RARB: variants seen among roughly 807,000 people sequenced by gnomAD.
RARB encodes HBV-activated protein.
Under a neutral mutation model 51.9 loss-of-function variants are expected in RARB, and 17 were observed. The observed-to-expected ratio is 0.33, with a 90% CI of 0.22 to 0.49. The LOEUF is 0.49. RARB is among the 20% of genes least tolerant of loss of function. The probability of loss-of-function intolerance (pLI) is 0.99; values close to 1 mark genes in which losing one functional copy is unlikely to be tolerated. For synonymous variants in RARB, 215 were observed against 195.4 expected, an observed-to-expected ratio of 1.10 and a Z score of -0.84; for missense variants, 369 against 550.8, an observed-to-expected ratio of 0.67 and a Z score of 3.30.
At chr3:25,369,952 T>C (rs9860987) in intron 5 of RARB, among the ~76,000 whole-genome samples, 58,997 of 151,866 alleles carry the variant, frequency 0.39, 11,945 homozygotes, top group East Asian at 0.75. Context: ...TCACATAGTT[T>C]GGAATAGTGA....
intron 4 of RARB, among the ~76,000 whole-genome samples, chr3:25,149,548 A>G (rs1021002153): frequency 2.0e-5 from 3 of 152,216 alleles, no homozygotes; most frequent in Admixed American, 6.5e-5. Context: ...ATATGGTGCA[A>G]TCAAGTCCCA....
intron 5 of RARB, among the ~76,000 whole-genome samples, chr3:25,361,527 C>T (rs1311607319): frequency 1.3e-5 from 2 of 152,104 alleles, no homozygotes; most frequent in Non-Finnish European, 2.9e-5. Flanking sequence ...TCCCTTGCTG[C>T]CAAGGAGTTG....
At chr3:25,080,997 T>C (rs1698983062) in intron 3 of RARB, among the ~76,000 whole-genome samples, 1 of 152,144 alleles carries the variant, frequency 6.6e-6, no homozygotes, top group Admixed American at 6.5e-5. Context: ...TAATTTCTGA[T>C]CTGATCTCTT....
intron 3 of RARB, 114 bp downstream of exon 3, chr3:25,501,437 GGT>G: frequency 7.8e-7 from 1 of 1,289,078 alleles, no homozygotes; most frequent in South Asian, 1.4e-5. Context: ...GCCAAGGGTA[GGT>G]GTGAATAGAG....
At chr3:25,169,343 A>C (rs1224695398) in intron 4 of RARB, among the ~76,000 whole-genome samples, 1 of 152,220 alleles carries the variant, frequency 6.6e-6, no homozygotes, top group African/African-American at 2.4e-5. Flanking sequence ...TCAGCCCTGG[A>C]GCAGGAGGAA....
chr3:24,895,624 T>TA (rs5847323), intron 2 of RARB, among the ~76,000 whole-genome samples: 51,462 of 151,622 alleles, frequency 0.34, 10,889 homozygotes, highest in Non-Finnish European at 0.46. Flanking sequence ...TCTTTTTTTT[T>TA]TTTCCTTGAG....
intron 5 of RARB, among the ~76,000 whole-genome samples, chr3:25,217,534 A>G (rs1221028946): frequency 6.6e-6 from 1 of 152,090 alleles, no homozygotes; most frequent in African/African-American, 2.4e-5. Flanking sequence ...TGTATGGCCA[A>G]GGGAGGCAAG....
intron 5 of RARB, among the ~76,000 whole-genome samples, chr3:25,235,986 T>G (rs1702293117): frequency 6.6e-6 from 1 of 152,158 alleles, no homozygotes; most frequent in African/African-American, 2.4e-5. Flanking sequence ...CTTTATAAGA[T>G]TTTAAACCTC....
intron 2 of RARB, among the ~76,000 whole-genome samples, chr3:24,916,767 CAAAAAAAAAA>C (rs386396164): frequency 1.8e-5 from 2 of 112,782 alleles, no homozygotes; most frequent in African/African-American, 6.5e-5. Context: ...GTTTGCTGTT[CAAAAAAAAAA>C]AAAAAAAAAC....
At position 25,468,071 on chromosome 3, in the gene RARB, A is replaced by C. The variant is rs578068914; in HGVS notation, c.306+6730A>C. Among the ~76,000 whole-genome samples the C allele has an allele frequency of 3.4e-3, 515 of 152,270 alleles. 1 individual carries two copies. The highest frequency in any genetic ancestry group is 0.012 in the African/African-American group (482 of 41,546). On this transcript the variant is annotated intron_variant, in intron 2 of 7. Transcript: ENST00000330688. ...CCAGCGGTGTGAGTCATAGAGAGAA[A>C]GCATTTTAGGTCAGAAACCAAACAC...
chr3:25,232,975 T>TTTC (rs1377820084), intron 5 of RARB, among the ~76,000 whole-genome samples: 5 of 135,620 alleles, frequency 3.7e-5, no homozygotes, highest in African/African-American at 1.3e-4. Context: ...TTCTTTTTCT[T>TTTC]TTTTTTTTTT....
At chr3:25,504,432 G>A (rs1186000147) in intron 3 of RARB, among the ~76,000 whole-genome samples, 1 of 152,154 alleles carries the variant, frequency 6.6e-6, no homozygotes, top group Non-Finnish European at 1.5e-5. Flanking sequence ...ATTGCTTTGA[G>A]CAGGGCATTG....
intron 5 of RARB, among the ~76,000 whole-genome samples, chr3:25,219,640 C>T (rs1316922699): frequency 2.0e-5 from 3 of 152,134 alleles, no homozygotes; most frequent in Non-Finnish European, 2.9e-5. Flanking sequence ...CTCCCCAAGC[C>T]CAAACCCCGT....
In RARB at chr3:25,006,348, C is replaced by T. The variant is rs189294825; in HGVS notation, c.-379-53777C>T. ...TTGTAGTTTGAGCTATAAAAAATTG[C>T]AATATGATTCATCTTATAGTAGGAG... On this transcript the variant is annotated intron_variant, in intron 2 of 11. Coordinates refer to the RARB transcript ENST00000383772. Among the ~76,000 whole-genome samples, 4 of 152,192 alleles carry T rather than the reference C, an allele frequency of 2.6e-5. No homozygotes were observed. In the East Asian group the frequency reaches 7.7e-4, roughly 29 times the overall value.
chr3:25,460,937 C>G (rs1040938467), intron 1 of RARB, among the ~76,000 whole-genome samples: 2 of 152,102 alleles, frequency 1.3e-5, no homozygotes, highest in African/African-American at 4.8e-5. Context: ...GTGATAAAAA[C>G]CATGGCCCTC....
At chr3:24,958,840 T>G (rs1433862636) in intron 2 of RARB, among the ~76,000 whole-genome samples, 1 of 152,320 alleles carries the variant, frequency 6.6e-6, no homozygotes, top group Middle Eastern at 3.4e-3. Context: ...TCTAGTAGTA[T>G]TTTAGTCAAA....
chr3:25,367,817 CAAAA>C (rs369165017), intron 5 of RARB, among the ~76,000 whole-genome samples: 1 of 125,576 alleles, frequency 8.0e-6, no homozygotes, highest in Admixed American at 7.9e-5. Flanking sequence ...AAAAAACAAG[CAAAA>C]AAAAAACAAA....
Position 25,242,457 on chromosome 3 carries a change from T to C in RARB, c.178+67882T>C, listed in dbSNP as rs530473680. ...GTTTTAGGTCTTGTGTTTAAATCTT[T>C]AATCCATCTTGAGTTAATCTTTGTA... On this transcript the variant is annotated intron_variant, in intron 5 of 11. Transcript: ENST00000383772. 3.3e-5 allele frequency among the ~76,000 whole-genome samples: 5 copies of C among 152,348 alleles called. No homozygotes were observed. The South Asian group carries it at 1.0e-3, about 32-fold the overall frequency.
At chr3:24,908,672 T>TTTTG (rs1441201281) in intron 2 of RARB, among the ~76,000 whole-genome samples, 2 of 145,166 alleles carry the variant, frequency 1.4e-5, no homozygotes, top group Non-Finnish European at 3.0e-5. Flanking sequence ...TGTTTTTTTT[T>TTTTG]TTTTTTTTTT....
Sources: gnomAD v4.1 joint callset for allele counts (sites outside exome capture counted in the v4.1 genomes callset) on GRCh38, gnomAD v4.1.1 for gene constraint, MANE v1.5 for transcripts, NCBI Gene and HGNC (gene_info 2026-07-23, HGNC 2026-07-21) for gene names.